The following TRPV2 variants were observed in gnomAD, a reference collection of about 807,000 sequenced individuals.
TRPV2 encodes transient receptor potential cation channel subfamily V member 2.
Under a neutral mutation model 91.0 loss-of-function variants are expected in TRPV2, and 58 were observed. That is an observed-to-expected ratio of 0.64 (90% CI 0.52 to 0.79). The LOEUF (loss-of-function observed/expected upper bound fraction) is 0.79, where lower values mean the gene tolerates loss of function less well. TRPV2 is among the 30% of genes least tolerant of loss of function. TRPV2 has a pLI of 0.00. For synonymous variants in TRPV2, 417 were observed against 414.8 expected, an observed-to-expected ratio of 1.01 and a Z score of -0.06; for missense variants, 807 against 969.6, an observed-to-expected ratio of 0.83 and a Z score of 2.23.
rs1291106729 is a variant in TRPV2, at chr17:16,435,961, C to T, written c.2195-828C>T. ...TCATCTTGCCCCAAGCACTCCACAC[C>T]CCACTGCCTGCTGGGGCCTCCAATG... On this transcript the variant is annotated intron_variant, in intron 14 of 14. Coordinates refer to ENST00000338560, the MANE Select transcript of TRPV2 (RefSeq NM_016113.5). The surrounding 1 kb of genome is among the most constrained non-coding windows in gnomAD (Gnocchi z 4.2). 6.6e-6 allele frequency among the ~76,000 whole-genome samples: 1 copy of T among 152,186 alleles called. No homozygotes were observed. Among genetic ancestry groups the T allele is most frequent in the African/African-American group, 2.4e-5 (1 of 41,436 alleles).
At chr17:16,422,425 G>T (rs2093362419) in intron 3 of TRPV2, among the ~76,000 whole-genome samples, 174 bp from the exon 4 acceptor site, 1 of 152,098 alleles carries the variant, frequency 6.6e-6, no homozygotes, top group South Asian at 2.1e-4. Context: ...TTTCTTATCT[G>T]TTACTTGGAG....
intron 4 of TRPV2, 123 bp downstream of exon 4, chr17:16,423,012 C>A (rs2093365888): frequency 8.4e-7 from 1 of 1,186,986 alleles, no homozygotes; most frequent in Non-Finnish European, 1.2e-6. Flanking sequence ...CGATGCCCTG[C>A]TTCTAACCAC....
At position 16,436,803 on chromosome 17, in the gene TRPV2, C is replaced by T; in HGVS notation, c.2209C>T (p.Pro737Ser). 3 of 1,613,940 alleles carry T rather than the reference C, an allele frequency of 1.9e-6. No individual in the cohort carries two copies. Among genetic ancestry groups the T allele is most frequent in the Non-Finnish European group, 2.5e-6 (3 of 1,179,862 alleles). ...TCTGTTTACAGGAACTCTCGAGAAC[C>T]CTGTCCTGGCTTCCCCTCCCAAGGA... The part of the protein sequence containing the change: ...GAGVPRTLEN[P>S]VLASPPKEDE... Residue 737 changes from proline to serine, a missense_variant, in exon 15 of 15, where the codon CCT becomes TCT. Coordinates refer to ENST00000338560, the MANE Select transcript of TRPV2 (RefSeq NM_016113.5).
At chr17:16,424,246 C>A (rs889633898) in intron 5 of TRPV2, among the ~76,000 whole-genome samples, 17 of 151,400 alleles carry the variant, frequency 1.1e-4, no homozygotes, top group African/African-American at 4.1e-4. Flanking sequence ...CAACCTCTGC[C>A]TCCCAGGTTC....
At chr17:16,431,687 G>A in intron 10 of TRPV2, 97 bp from the exon 11 acceptor site, 1 of 1,105,230 alleles carries the variant, frequency 9.0e-7, no homozygotes, top group Non-Finnish European at 1.4e-6. Context: ...TATGTGCAGT[G>A]TACACGGGAA....
chr17:16,420,076 T>C (rs1330964075), intron 2 of TRPV2, 39 bp from the exon 3 acceptor site: 2 of 1,595,874 alleles, frequency 1.3e-6, no homozygotes, highest in Admixed American at 1.7e-5. Flanking sequence ...GGGCCTGTGG[T>C]TCTTCTCCAG....
chr17:16,433,598 G>A lies in TRPV2; in HGVS notation c.2014G>A (p.Glu672Lys). ...LQKAISVLEM[E>K]NGYWWCRKKQ... ...GAAAGCCATCTCTGTCCTGGAGATG[G>A]AGAATGGCTATTGGTGGTGCAGGAA... Residue 672 changes from glutamate to lysine, a missense_variant, in exon 13 of 15, where the codon GAG becomes AAG. Transcript: ENST00000338560. 6.2e-7 allele frequency: 1 copy of A among 1,614,174 alleles called. No individual in the cohort carries two copies. The highest frequency in any genetic ancestry group is 8.5e-7 in the Non-Finnish European group (1 of 1,180,040).
At position 16,423,623 on chromosome 17, in the gene TRPV2, T is replaced by C. The variant is rs2093368705; in HGVS notation, c.780T>C (p.Ala260=). The C allele has an allele frequency of 6.2e-7, 1 of 1,612,892 alleles. No individual in the cohort carries two copies. The highest frequency in any genetic ancestry group is 1.7e-5 in the Admixed American group (1 of 59,928). The change falls in exon 5 of 15, where the codon GCT becomes GCC. Residue 260 remains alanine (A), a synonymous_variant. Transcript: ENST00000338560. ...HALVMISDNS[A]ENIALVTSMY... ...TAGTGATGATCTCGGACAACTCAGC[T>C]GAGAACATTGCACTGGTGACCAGCA...
At chr17:16,436,275 A>G (rs1202038393) in intron 14 of TRPV2, among the ~76,000 whole-genome samples, 2 of 152,074 alleles carry the variant, frequency 1.3e-5, no homozygotes, top group Non-Finnish European at 2.9e-5. Flanking sequence ...ACGCTACACA[A>G]TGCCTCCCAC....
chr17:16,424,591 C>T (rs888884253), intron 5 of TRPV2, among the ~76,000 whole-genome samples: 10 of 152,150 alleles, frequency 6.6e-5, no homozygotes, highest in African/African-American at 1.7e-4. Flanking sequence ...CCATGGCACC[C>T]GGCCAAACAT....
chr17:16,417,478 C>T, intron 1 of TRPV2, 84 bp from the exon 2 acceptor site: 1 of 555,214 alleles, frequency 1.8e-6, no homozygotes, highest in Non-Finnish European at 3.2e-6. Context: ...AGCTGACCAG[C>T]CAGCCTCAGC....
rs997770574 is a variant in TRPV2 at position 16,435,780 on chromosome 17, G to A, written c.2194+811G>A. Among the ~76,000 whole-genome samples, 9 of 152,090 alleles carry A rather than the reference G, an allele frequency of 5.9e-5. No individual in the cohort carries two copies. The highest frequency in any genetic ancestry group is 2.2e-4 in the African/African-American group (9 of 41,416). ...GCCCCTGTTGTAGGGAGGCTCCTCT[G>A]GCCTCTTCTGCCCCACAGCCTGCTG... On this transcript the variant is annotated intron_variant, in intron 14 of 14. Coordinates refer to ENST00000338560, the MANE Select transcript of TRPV2 (RefSeq NM_016113.5). The surrounding 1 kb of genome is among the most constrained non-coding windows in gnomAD (Gnocchi z 4.2).
chr17:16,428,669 T>C, intron 9 of TRPV2, 148 bp from the exon 10 acceptor site: 2 of 840,330 alleles, frequency 2.4e-6, no homozygotes, highest in African/African-American at 1.7e-5. Flanking sequence ...ATTATTATTA[T>C]GCCCATTTTA....
At chr17:16,425,117 G>A (rs1268809472) in intron 5 of TRPV2, among the ~76,000 whole-genome samples, 2 of 146,608 alleles carry the variant, frequency 1.4e-5, no homozygotes, top group Non-Finnish European at 3.0e-5. Context: ...CTCCGCCTCC[G>A]GAGTTCAAGC....
At position 16,426,005 on chromosome 17, in the gene TRPV2, G is replaced by A; in HGVS notation, c.925-94G>A. 1.4e-6 allele frequency: 2 copies of A among 1,401,518 alleles called. No homozygotes were observed. Among genetic ancestry groups the A allele is most frequent in the Non-Finnish European group, 2.0e-6 (2 of 1,002,928 alleles). The allele number at this position is 1,401,518 out of a possible 1,614,324, so 86.8% of individuals were successfully genotyped here. The stretch of plus-strand genomic sequence containing the variant: ...TGTCAGCTGCAGCTCTGCAGACCGT[G>A]GGCAGCTGCTGAGTCCTGGGTGTTT... On this transcript the variant is annotated intron_variant, in intron 5 of 14. Transcript: ENST00000338560. This position sits in a 1 kb window ranked among gnomAD's most constrained non-coding sequence, Gnocchi z 6.0.
chr17:16,417,064 A>C (rs1318258182), intron 1 of TRPV2, among the ~76,000 whole-genome samples: 5 of 151,932 alleles, frequency 3.3e-5, no homozygotes, highest in African/African-American at 4.8e-5. Context: ...GGGGGACAAC[A>C]TCAAAAGGGT....
rs1568919692 is a variant in TRPV2 at position 16,431,770 on chromosome 17, C to CACAT, written c.1588-13_1588-10dup. The CACAT allele has an allele frequency of 4.3e-6, 7 of 1,613,862 alleles. No individual in the cohort carries two copies. Among genetic ancestry groups the CACAT allele is most frequent in the African/African-American group, 2.7e-5 (2 of 74,910 alleles). On this transcript the variant is annotated splice_polypyrimidine_tract_variant and intron_variant, in intron 10 of 14. Coordinates refer to ENST00000338560, the MANE Select transcript of TRPV2 (RefSeq NM_016113.5). ...CCAGCTACCCACCCTGGCCCCTGGG[C>CACAT]ACATGTGTTCCAGGTCATCCTGCGG...
At chr17:16,429,085 C>A in intron 10 of TRPV2, 103 bp downstream of exon 10, 1 of 1,297,734 alleles carries the variant, frequency 7.7e-7, no homozygotes, top group Non-Finnish European at 1.1e-6. Context: ...TGTACATCTG[C>A]CTGTGCGCCA....
rs944919654 is a variant in TRPV2, at chr17:16,428,964, C to T, written c.1569C>T (p.Tyr523=). Residue 523 remains tyrosine (Y), a synonymous_variant, in exon 10 of 15, where the codon TAC becomes TAT. Coordinates refer to ENST00000338560, the MANE Select transcript of TRPV2 (RefSeq NM_016113.5). ...YTRGFQHTGI[Y]SVMIQKVILR... is the part of the protein sequence containing the mutation. ...GTGGCTTCCAGCACACAGGCATCTA[C>T]AGTGTCATGATCCAGAAGGTGAGAG... 3 of 1,614,206 alleles carry T rather than the reference C, an allele frequency of 1.9e-6. No individual in the cohort carries two copies. The highest frequency in any genetic ancestry group is 2.7e-5 in the African/African-American group (2 of 75,056).
Sources: gnomAD v4.1 joint callset for allele counts (sites outside exome capture counted in the v4.1 genomes callset) on GRCh38, gnomAD v4.1.1 for gene constraint, Gnocchi (gnomAD v3.1) non-coding constraint, MANE v1.5 for transcripts, NCBI Gene and HGNC (gene_info 2026-07-23, HGNC 2026-07-21) for gene names.